ART3: variants seen among roughly 807,000 people sequenced by gnomAD.
The protein encoded by ART3 is ecto-ADP-ribosyltransferase 3.
Under a neutral mutation model 48.5 loss-of-function variants are expected in ART3, and 49 were observed. The ratio of observed to expected loss-of-function variants is 1.01; its 90% CI spans 0.80 to 1.28. ART3 has a LOEUF of 1.28. ART3 is among the 50% of genes most tolerant of loss of function. The pLI, the probability that ART3 is intolerant of heterozygous loss-of-function variation, is 0.00. For missense variants in ART3, 438 were observed against 454.3 expected (o/e 0.96, Z 0.33); for synonymous variants, 145 against 157.2 (o/e 0.92, Z 0.58).
At chr4:76,086,286 A>G (rs780860594) in intron 3 of ART3, among the ~76,000 whole-genome samples, 1 of 152,230 alleles carries the variant, frequency 6.6e-6, no homozygotes, top group East Asian at 1.9e-4. Flanking sequence ...ATAGGATATT[A>G]TTCAGCCTTA....
intron 1 of ART3, chr4:76,021,026 A>G (rs1732755618): frequency 6.6e-6 from 1 of 152,178 alleles, no homozygotes. Flanking sequence ...TCTTCTGCCC[A>G]TGCCACCTTC....
At chr4:76,105,815 G>A in intron 10 of ART3, 1 of 985,438 alleles carries the variant, frequency 1.0e-6, no homozygotes, top group Non-Finnish European at 1.2e-6. Context: ...AGCTGGGCCT[G>A]TCTATTCCAG....
At chr4:76,093,532 G>A (rs1394693761) in intron 3 of ART3, among the ~76,000 whole-genome samples, 1 of 152,164 alleles carries the variant, frequency 6.6e-6, no homozygotes, top group Non-Finnish European at 1.5e-5. Context: ...AAGAATTTAT[G>A]TTATTAGATT....
Position 76,098,986 on chromosome 4 carries a change from T to C in ART3, c.846T>C (p.Pro282=). 6.2e-7 allele frequency: 1 copy of C among 1,608,352 alleles called. No individual in the cohort carries two copies. Among genetic ancestry groups the C allele is most frequent in the Non-Finnish European group, 8.5e-7 (1 of 1,174,876 alleles). The part of the protein sequence containing the change: ...EYFQPIYVYN[P]GEKNQKLEDH... ...TTCAACCCATCTATGTCTACAACCC[T>C]GGTGAGTATGTTCTAATTTTTAAAA... The change falls in exon 5 of 12, where the codon CCT becomes CCC. Residue 282 remains proline (P), a splice_region_variant and synonymous_variant. Transcript: ENST00000355810.
intron 1 of ART3, among the ~76,000 whole-genome samples, chr4:76,045,580 T>A (rs1735425278): frequency 6.6e-6 from 1 of 152,018 alleles, no homozygotes; most frequent in Non-Finnish European, 1.5e-5. Flanking sequence ...TGTGGGGTTG[T>A]CCCACGAGTC....
intron 1 of ART3, among the ~76,000 whole-genome samples, chr4:76,060,791 G>A (rs1004844300): frequency 6.6e-6 from 1 of 152,198 alleles, no homozygotes; most frequent in African/African-American, 2.4e-5. Context: ...GATGGAGAAA[G>A]TGGACCACAA....
At position 76,069,315 on chromosome 4, in the gene ART3, A is replaced by G. The variant is rs935654962; in HGVS notation, c.-9-6566A>G. ...TATACGTCCAGCCCTAAAAAAATCA[A>G]TAATCTACTTTCTGTCTGTATAGAT... is the stretch of plus-strand genomic sequence containing the variant. On this transcript the variant is annotated intron_variant, in intron 1 of 9. Transcript: ENST00000341029. Among the ~76,000 whole-genome samples, 6 of 151,726 alleles carry G rather than the reference A, an allele frequency of 4.0e-5. No homozygotes were observed. In the South Asian group the frequency reaches 6.2e-4, roughly 16 times the overall value.
At chr4:76,016,622 G>C (rs897603096) in intron 1 of ART3, among the ~76,000 whole-genome samples, 17 of 152,308 alleles carry the variant, frequency 1.1e-4, no homozygotes, top group African/African-American at 4.1e-4. Context: ...CCATCAGCAT[G>C]TGGAAAAGTC....
chr4:76,037,375 A>C (rs967251436), intron 1 of ART3, among the ~76,000 whole-genome samples: 1 of 152,140 alleles, frequency 6.6e-6, no homozygotes, highest in Non-Finnish European at 1.5e-5. Flanking sequence ...TATAACTGGT[A>C]ATCTGTAATT....
chr4:76,074,939 A>C (rs1400238757), intron 1 of ART3, 120 bp downstream of exon 1: 1 of 152,194 alleles, frequency 6.6e-6, no homozygotes, highest in Non-Finnish European at 1.5e-5. Context: ...CTTATATTCA[A>C]ATCTTTTTTG....
intron 1 of ART3, among the ~76,000 whole-genome samples, chr4:76,017,696 C>T (rs1346422300): frequency 6.6e-6 from 1 of 152,176 alleles, no homozygotes; most frequent in Non-Finnish European, 1.5e-5. Context: ...GACTGCCTTT[C>T]AGATTTATTT....
chr4:76,076,277 T>C lies in ART3; in HGVS notation c.69+319T>C, dbSNP rs893945732. 6.6e-5 allele frequency among the ~76,000 whole-genome samples: 10 copies of C among 152,168 alleles called. No homozygotes were observed. In the South Asian group the frequency reaches 8.3e-4, roughly 13 times the overall value. On this transcript the variant is annotated intron_variant, in intron 2 of 11. Coordinates refer to ENST00000355810, the MANE Select transcript of ART3 (RefSeq NM_001130016.3). ...CCTCGACCTCCCAAAGTGCTGGGAT[T>C]ACAGGCGTGAGCCACCGCGCTTGGC... is the stretch of plus-strand genomic sequence containing the variant.
intron 1 of ART3, among the ~76,000 whole-genome samples, chr4:76,065,205 G>A (rs1719611460): frequency 6.6e-6 from 1 of 152,154 alleles, no homozygotes; most frequent in Admixed American, 6.6e-5. Context: ...ACACCACAAA[G>A]TTCAAAAACA....
In ART3 at chr4:76,104,641, A is replaced by T. The variant is rs947547397; in HGVS notation, c.1003+12A>T. On this transcript the variant is annotated intron_variant, in intron 10 of 11. Transcript: ENST00000355810. ...TTTTCCACTACCTGGTAAGCAACTG[A>T]TAGGCATGCCAGAGGGGAACATGCC... 1.9e-6 allele frequency: 3 copies of T among 1,551,446 alleles called. No individual in the cohort carries two copies. Among genetic ancestry groups the T allele is most frequent in the Non-Finnish European group, 2.6e-6 (3 of 1,146,896 alleles).
chr4:76,092,686 T>C (rs189915157), intron 3 of ART3, among the ~76,000 whole-genome samples: 1 of 152,324 alleles, frequency 6.6e-6, no homozygotes, highest in African/African-American at 2.4e-5. Flanking sequence ...GTTTTCATCA[T>C]ATTTGGAAAG....
Position 76,112,642 on chromosome 4 carries a change from T to C in ART3, c.*123T>C, listed in dbSNP as rs1729704162. 2 of 1,159,338 alleles carry C rather than the reference T, an allele frequency of 1.7e-6. No individual in the cohort carries two copies. The highest frequency in any genetic ancestry group is 3.1e-5 in the African/African-American group (2 of 63,492). The allele number at this position is 1,159,338 out of a possible 1,614,324, so 71.8% of individuals were successfully genotyped here. ...AAGTCACTGGATAAAATGAGAATTG[T>C]ATATTTGTTATTCATTTTGCAAATT... On this transcript the variant is annotated 3_prime_UTR_variant, in exon 12 of 12. Transcript: ENST00000355810.
chr4:76,084,645 A>T (rs922959602), intron 3 of ART3, among the ~76,000 whole-genome samples: 14 of 151,838 alleles, frequency 9.2e-5, no homozygotes, highest in African/African-American at 3.4e-4. Flanking sequence ...GGGTTAGTAA[A>T]CTCCTTCTCC....
At position 76,112,437 on chromosome 4, in the gene ART3, C is replaced by G. The variant is rs1128864; in HGVS notation, c.1088C>G (p.Ser363Trp). 1 of 1,613,784 alleles carries G rather than the reference C, an allele frequency of 6.2e-7. No individual in the cohort carries two copies. Among genetic ancestry groups the G allele is most frequent in the Non-Finnish European group, 8.5e-7 (1 of 1,179,898 alleles). Residue 363 changes from serine (S) to tryptophan (W), a missense_variant, in exon 12 of 12, where the codon TCG (serine) becomes TGG (tryptophan). This residue lies in a region of ART3 where 227 missense variants were observed against 229.6 expected (regional missense o/e 0.99). Transcript: ENST00000355810. ...CCCAAAAGCCATCCTTCTGCATCCT[C>G]GGGCAAACTGCTGCTTCCACAGTTT... ...PGPKSHPSAS[S>W]GKLLLPQFGM...
rs182899986 is a variant in ART3 at position 76,090,762 on chromosome 4, G to T, written c.782-6882G>T. Among the ~76,000 whole-genome samples, 719 of 152,252 alleles carry T rather than the reference G, an allele frequency of 4.7e-3. 1 individual carries two copies. Among genetic ancestry groups the T allele is most frequent in the Non-Finnish European group, 7.6e-3 (519 of 68,032 alleles). ...AGCTTTACTGAGTTATAATTGATAT[G>T]CAATAAACTGCACATAAAGTAAAAT... is the stretch of plus-strand genomic sequence containing the variant. On this transcript the variant is annotated intron_variant, in intron 3 of 11. Transcript: ENST00000355810.
Sources: allele counts gnomAD v4.1 joint callset (sites outside exome capture counted in the v4.1 genomes callset), GRCh38; gene constraint gnomAD v4.1.1; regional missense constraint gnomAD v4.1.1; transcripts MANE v1.5; gene names NCBI Gene and HGNC (gene_info 2026-07-23, HGNC 2026-07-21).